The following ZNF692 variants were observed in gnomAD, a reference collection of about 807,000 sequenced individuals.
ZNF692 encodes the protein AICAR responsive element binding protein.
ZNF692 carries 41 observed loss-of-function variants against 49.0 expected under a neutral mutation model. That is an observed-to-expected ratio of 0.84 (90% CI 0.65 to 1.08). ZNF692 has a LOEUF of 1.08. Among genes scored for constraint, ZNF692 ranks in the 50% least tolerant of loss-of-function variants. The pLI is 0.00. For missense variants in ZNF692, 662 were observed against 662.2 expected (o/e 1.00, Z 0.00); for synonymous variants, 288 against 251.5 (o/e 1.15, Z -1.37).
At position 248,855,466 on chromosome 1, in the gene ZNF692, G is replaced by A. The variant is rs761408506; in HGVS notation, c.960-8C>T. On this transcript the variant is annotated splice_region_variant and splice_polypyrimidine_tract_variant and intron_variant, in intron 8 of 11. Transcript: ENST00000306601. ...TCTCTTTTGGCAGCTTTCCTGAGGA[G>A]AAGAATGGAAAGGAGCAGCATGACT... 18 of 1,614,086 alleles carry A rather than the reference G, an allele frequency of 1.1e-5. No individual in the cohort carries two copies. Among genetic ancestry groups the A allele is most frequent in the Non-Finnish European group, 1.5e-5 (18 of 1,179,982 alleles).
At chr1:248,852,280 G>A (rs1358096750) in intron 10 of ZNF692, among the ~76,000 whole-genome samples, 4 of 152,160 alleles carry the variant, frequency 2.6e-5, no homozygotes, top group Non-Finnish European at 4.4e-5. Flanking sequence ...TTATTCAGCA[G>A]TGCTCTTGTT....
Position 248,855,889 on chromosome 1 carries a change from C to A in ZNF692, c.717G>T (p.Glu239Asp), listed in dbSNP as rs770185355. Reference sequence around the variant, plus strand: ...CTGCAGGGGCTGGTGGTGTCTCCCCCTCTTTAGGTGTGCAGGTGACAGGGG... The same window carrying A: ...CTGCAGGGGCTGGTGGTGTCTCCCCATCTTTAGGTGTGCAGGTGACAGGGG... ...LPSPVTCTPKEGETPPAPAAL... is the reference protein window; with the variant it reads ...LPSPVTCTPKDGETPPAPAAL... Residue 239 changes from glutamate to aspartate, a missense_variant, in exon 7 of 12, where the codon GAG becomes GAT. Transcript: ENST00000306601. 1.2e-6 allele frequency: 2 copies of A among 1,614,154 alleles called. No homozygotes were observed. The highest frequency in any genetic ancestry group is 8.5e-7 in the Non-Finnish European group (1 of 1,180,032).
intron 10 of ZNF692, among the ~76,000 whole-genome samples, chr1:248,853,559 TCA>T (rs1199868327): frequency 6.6e-6 from 1 of 152,184 alleles, no homozygotes; most frequent in Non-Finnish European, 1.5e-5. Context: ...TTTCCATTCC[TCA>T]CTTAAGTCTT....
In ZNF692 at chr1:248,859,003, A is replaced by T. The variant is rs1207505241; in HGVS notation, c.-98T>A. On this transcript the variant is annotated 5_prime_UTR_variant, in exon 1 of 12. Transcript: ENST00000306601. ...CGAGCAGGCCCGGAGCTGCTGGAAG[A>T]CAGGGGCCCACCTCGCGCGCGCAGC... 1.2e-5 allele frequency: 2 copies of T among 160,118 alleles called. No homozygotes were observed. Among genetic ancestry groups the T allele is most frequent in the South Asian group, 1.6e-4 (1 of 6,336 alleles). 9.9% of individuals were successfully genotyped at this position (160,118 alleles called of 1,614,324 possible).
chr1:248,855,532 C>T (rs758333251), intron 8 of ZNF692, 26 bp downstream of exon 8: 1 of 1,614,158 alleles, frequency 6.2e-7, no homozygotes. Flanking sequence ...CGGCCCTCCC[C>T]AGAACCCCAT....
rs778188824 is a variant in ZNF692 at position 248,855,648 on chromosome 1, A to AAGAGGGAGC, written c.882-22_882-14dup. 1 of 1,614,162 alleles carries AAGAGGGAGC rather than the reference A, an allele frequency of 6.2e-7. No homozygotes were observed. Among genetic ancestry groups the AAGAGGGAGC allele is most frequent in the African/African-American group, 1.3e-5 (1 of 75,024 alleles). On this transcript the variant is annotated splice_polypyrimidine_tract_variant and intron_variant, in intron 7 of 11. Coordinates refer to ENST00000306601, the MANE Select transcript of ZNF692 (RefSeq NM_017865.4). ...CTGACTCCCAGTGCTACGGGCAGCA[A>AAGAGGGAGC]AGAGGGAGCAGAGGGCCTCGAGGGA...
At position 248,857,267 on chromosome 1, in the gene ZNF692, A is replaced by G; in HGVS notation, c.442T>C (p.Cys148Arg). ...SLPHTTRRSW[C>R]SEATSGQELA... ...TCCTGCCCACTCGTGGCCTCGGAAC[A>G]CCAACTTCTCCGAGTAGTATGTGGA... Residue 148 changes from cysteine (C) to arginine (R), a missense_variant, in exon 4 of 12, where the codon TGT (cysteine) becomes CGT (arginine). Cys to Arg is a radical substitution (Grantham distance 180, BLOSUM62 -3). Coordinates refer to ENST00000306601, the MANE Select transcript of ZNF692 (RefSeq NM_017865.4). 6.2e-7 allele frequency: 1 copy of G among 1,614,080 alleles called. No individual in the cohort carries two copies. The highest frequency in any genetic ancestry group is 1.7e-5 in the Admixed American group (1 of 60,012).
Position 248,856,691 on chromosome 1 carries a change from T to C in ZNF692, c.476-129A>G, listed in dbSNP as rs534169706. The stretch of plus-strand genomic sequence containing the variant: ...TAAATAGAGACGGGGTCTCACTATG[T>C]TGCCCAGGCTGGTCTCAAACCCCTG... On this transcript the variant is annotated intron_variant, in intron 4 of 11. Transcript: ENST00000306601. 4.3e-6 allele frequency: 5 copies of C among 1,153,268 alleles called. No homozygotes were observed. The East Asian group carries it at 1.3e-4, about 29-fold the overall frequency. The allele number at this position is 1,153,268 out of a possible 1,614,324, so 71.4% of individuals were successfully genotyped here. A position where few individuals can be genotyped will look rare whatever the true frequency, so the allele number is the denominator to read the frequency against.
chr1:248,853,461 T>G (rs763030782), intron 10 of ZNF692, among the ~76,000 whole-genome samples: 16 of 152,228 alleles, frequency 1.1e-4, no homozygotes, highest in Non-Finnish European at 1.8e-4. Flanking sequence ...TCTCAGCTCC[T>G]GGCCTCTTCC....
Position 248,858,016 on chromosome 1 carries a change from T to C in ZNF692, c.179+115A>G. On this transcript the variant is annotated intron_variant, in intron 2 of 11. Coordinates refer to ENST00000306601, the MANE Select transcript of ZNF692 (RefSeq NM_017865.4). The surrounding 1 kb of genome is among the most constrained non-coding windows in gnomAD (Gnocchi z 4.3). ...CGGAGGCCACAAGTCACACAGGCCG[T>C]CCTGGTAAAGTGAGAAACCTGAGGG... 1.9e-6 allele frequency: 3 copies of C among 1,545,492 alleles called. No individual in the cohort carries two copies. Among genetic ancestry groups the C allele is most frequent in the Non-Finnish European group, 2.6e-6 (3 of 1,150,372 alleles).
At position 248,850,249 on chromosome 1, in the gene ZNF692, A is replaced by C. The variant is rs756294770; in HGVS notation, c.1521T>G (p.Ser507=). Residue 507 remains serine (S), a synonymous_variant, in exon 12 of 12, where the codon TCT becomes TCG. Coordinates refer to ENST00000306601, the MANE Select transcript of ZNF692 (RefSeq NM_017865.4). The part of the protein sequence containing the change: ...PLGSSEGSRP[S]ASPQAPTLLP... ...GCAGGGTTGGAGCCTGAGGAGATGC[A>C]GAGGGCCTGGACCCCTCGCTGGATC... 1 of 1,561,320 alleles carries C rather than the reference A, an allele frequency of 6.4e-7. No individual in the cohort carries two copies. Among genetic ancestry groups the C allele is most frequent in the East Asian group, 2.3e-5 (1 of 44,322 alleles).
rs1352474082 is a variant in ZNF692 at position 248,855,575 on chromosome 1, A to C, written c.942T>G (p.Ile314Met). The C allele has an allele frequency of 2.5e-6, 4 of 1,613,990 alleles. No homozygotes were observed. The African/African-American group carries it at 5.3e-5, about 22-fold the overall frequency. The change falls in exon 8 of 12, where the codon ATT becomes ATG. Residue 314 changes from isoleucine to methionine, a missense_variant. Ile to Met is a conservative substitution (Grantham distance 10, BLOSUM62 1). Transcript: ENST00000306601. ...AGTCCTACCTAATTCTCTTGGGGCC[A>C]ATTTGTGCAGTGTCCTCATCCCAGG... is the stretch of plus-strand genomic sequence containing the variant. ...TPAWDEDTAQ[I>M]GPKRIRKAAK...
At position 248,855,407 on chromosome 1, in the gene ZNF692, C is replaced by G; in HGVS notation, c.1011G>C (p.Arg337Ser). 1 of 1,614,172 alleles carries G rather than the reference C, an allele frequency of 6.2e-7. No homozygotes were observed. The highest frequency in any genetic ancestry group is 8.5e-7 in the Non-Finnish European group (1 of 1,180,046). The change falls in exon 9 of 12, where the codon AGG (arginine) becomes AGC (serine). Residue 337 changes from arginine (R) to serine (S), a missense_variant. Transcript: ENST00000306601. ...TCAAATACTGCCGGTTGGAGAAGAT[C>G]CTTCCACAGCCAGGGAAGTCACAAG... Reference protein sequence around the residue: ...LMPCDFPGCGRIFSNRQYLNH... With the variant: ...LMPCDFPGCGSIFSNRQYLNH...
rs780457451 is a variant in ZNF692 at position 248,855,866 on chromosome 1, G to T, written c.740C>A (p.Ala247Glu). The change falls in exon 7 of 12, where the codon GCA (alanine) becomes GAA (glutamate). Residue 247 changes from alanine to glutamate, a missense_variant. Physicochemically the swap from Ala to Glu is moderately radical, Grantham distance 107. Coordinates refer to ENST00000306601, the MANE Select transcript of ZNF692 (RefSeq NM_017865.4). ...PKEGETPPAP[A>E]ALSSPLAVPA... ...CACAGCAAGAGGACTGGAGAGTGCT[G>T]CAGGGGCTGGTGGTGTCTCCCCCTC... The T allele has an allele frequency of 6.2e-7, 1 of 1,614,120 alleles. No individual in the cohort carries two copies. The highest frequency in any genetic ancestry group is 8.5e-7 in the Non-Finnish European group (1 of 1,180,060).
chr1:248,857,809 C>T lies in ZNF692; in HGVS notation c.211+19G>A. 6.2e-7 allele frequency: 1 copy of T among 1,612,954 alleles called. No homozygotes were observed. Among genetic ancestry groups the T allele is most frequent in the Non-Finnish European group, 8.5e-7 (1 of 1,179,086 alleles). On this transcript the variant is annotated intron_variant, in intron 3 of 11. Transcript: ENST00000306601. Reference sequence around the variant, plus strand: ...TCCCTCTTCCCTCTGGCTCTCACCCCCTGCCATCCCCTACCTACCTGCACA... The same window carrying T: ...TCCCTCTTCCCTCTGGCTCTCACCCTCTGCCATCCCCTACCTACCTGCACA...
intron 10 of ZNF692, among the ~76,000 whole-genome samples, chr1:248,852,838 G>A (rs1055383215): frequency 6.6e-6 from 1 of 152,046 alleles, no homozygotes; most frequent in Non-Finnish European, 1.5e-5. Context: ...GATGGCTAGA[G>A]TGCCATGACA....
rs1007162044 is a variant in ZNF692 at position 248,850,150 on chromosome 1, C to A, written c.*60G>T. ...TGGCATTTCTCAAGCAGACCCTCTC[C>A]TTGTTGCTCCTTTTCAGTCCCTGGA... On this transcript the variant is annotated 3_prime_UTR_variant, in exon 12 of 12. Coordinates refer to ENST00000306601, the MANE Select transcript of ZNF692 (RefSeq NM_017865.4). 4.0e-6 allele frequency: 6 copies of A among 1,498,636 alleles called. No individual in the cohort carries two copies. Among genetic ancestry groups the A allele is most frequent in the Non-Finnish European group, 5.3e-6 (6 of 1,122,416 alleles). The allele number at this position is 1,498,636 out of a possible 1,614,324, so 92.8% of individuals were successfully genotyped here. A position where few individuals can be genotyped will look rare whatever the true frequency, so the allele number is the denominator to read the frequency against.
chr1:248,857,378 CAA>C lies in ZNF692; in HGVS notation c.329_330del (p.Leu110ArgfsTer53), dbSNP rs773153519. 6.2e-7 allele frequency: 1 copy of C among 1,614,202 alleles called. No homozygotes were observed. Among genetic ancestry groups the C allele is most frequent in the South Asian group, 1.1e-5 (1 of 91,084 alleles). On this transcript the variant is annotated frameshift_variant, in exon 4 of 12. Transcript: ENST00000306601. LOFTEE classifies it high-confidence loss of function. ...GTATGGCCTGCTGAGCACTCCCACA[CAA>C]GCCCCCCATCTTGGCCGCCAGGCCC... ...LRGPGGQDGG[L>X]VWECSAGHTF...
chr1:248,850,805 C>T (rs1366600848), intron 10 of ZNF692, 24 bp from the exon 11 acceptor site: 4 of 1,610,126 alleles, frequency 2.5e-6, no homozygotes, highest in African/African-American at 1.3e-5. Flanking sequence ...AGGGACACTC[C>T]AGCATCTGCC....
Sources: allele counts gnomAD v4.1 joint callset (sites outside exome capture counted in the v4.1 genomes callset), GRCh38; gene constraint gnomAD v4.1.1; non-coding constraint Gnocchi (gnomAD v3.1); transcripts MANE v1.5; gene names NCBI Gene and HGNC (gene_info 2026-07-23, HGNC 2026-07-21).